Variants in TYK2 observed in about 807,000 individuals in gnomAD.
TYK2 encodes the protein non-receptor tyrosine-protein kinase TYK2.
A neutral mutation model predicts 130.9 loss-of-function variants in TYK2; 65 were observed. That is an observed-to-expected ratio of 0.50 (90% CI 0.41 to 0.61). TYK2 has a LOEUF of 0.61. TYK2 is among the 20% of genes least tolerant of loss of function. The pLI, the probability that TYK2 is intolerant of heterozygous loss-of-function variation, is 0.00. For synonymous variants in TYK2, 647 were observed against 658.9 expected, an observed-to-expected ratio of 0.98 and a Z score of 0.28; for missense variants, 1,378 against 1,610.7, an observed-to-expected ratio of 0.86 and a Z score of 2.47.
chr19:10,356,423 C>A (rs1319407453), intron 18 of TYK2, 145 bp downstream of exon 18: 6 of 957,964 alleles, frequency 6.3e-6, no homozygotes, highest in Middle Eastern at 3.2e-4. Context: ...GGCAGCCAGG[C>A]AGGGCATGCT....
At position 10,365,873 on chromosome 19, in the gene TYK2, A is replaced by G. The variant is rs1450696759; in HGVS notation, c.655T>C (p.Phe219Leu). The G allele has an allele frequency of 7.4e-6, 12 of 1,611,550 alleles. No homozygotes were observed. Among genetic ancestry groups the G allele is most frequent in the Non-Finnish European group, 1.0e-5 (12 of 1,179,380 alleles). ...TSFKDCIPRSFRRHIRQHSAL... is the reference protein window; with the variant it reads ...TSFKDCIPRSLRRHIRQHSAL... Reference sequence around the variant, plus strand: ...CTGTGCTGCCGGATATGCCGGCGGAAGGAGCGCGGGATGCAGTCCTTGAAG... The same window carrying G: ...CTGTGCTGCCGGATATGCCGGCGGAGGGAGCGCGGGATGCAGTCCTTGAAG... Residue 219 changes from phenylalanine to leucine, a missense_variant, in exon 7 of 25, where the codon TTC becomes CTC. Coordinates refer to ENST00000525621, the MANE Select transcript of TYK2 (RefSeq NM_003331.5).
At chr19:10,366,158 T>A (rs1360213273) in intron 6 of TYK2, among the ~76,000 whole-genome samples, 11 of 152,022 alleles carry the variant, frequency 7.2e-5, no homozygotes, top group African/African-American at 2.7e-4. Flanking sequence ...AATACAAAAA[T>A]TAGCTGGGCT....
chr19:10,363,174 C>T (rs1364239274), intron 9 of TYK2, among the ~76,000 whole-genome samples: 2 of 150,362 alleles, frequency 1.3e-5, no homozygotes, highest in African/African-American at 2.4e-5. Flanking sequence ...CTGTGCCCGG[C>T]TACCTGATCT....
Position 10,364,839 on chromosome 19 carries a change from C to A in TYK2, c.1209+12G>T. On this transcript the variant is annotated intron_variant, in intron 8 of 24. Coordinates refer to ENST00000525621, the MANE Select transcript of TYK2 (RefSeq NM_003331.5). The surrounding 1 kb of genome is among the most constrained non-coding windows in gnomAD (Gnocchi z 4.9). Reference sequence around the variant, plus strand: ...TGATGGGCCCTAGCCCAGCCCCTACCCTGGGCCTCACCAGGCACTTGTTGT... The same window carrying A: ...TGATGGGCCCTAGCCCAGCCCCTACACTGGGCCTCACCAGGCACTTGTTGT... The A allele has an allele frequency of 6.2e-7, 1 of 1,614,034 alleles. No individual in the cohort carries two copies. The highest frequency in any genetic ancestry group is 1.1e-5 in the South Asian group (1 of 91,082).
chr19:10,350,674 AAAT>A lies in TYK2; in HGVS notation c.*157_*159del. On this transcript the variant is annotated 3_prime_UTR_variant, in exon 25 of 25. Transcript: ENST00000525621. ...GGTTAGGCTCACGGCCAAGAAAGAAAAATAAGTTCACAGAGGTGGGGTCTCTAG... is the reference window on the plus strand; with the variant it reads ...GGTTAGGCTCACGGCCAAGAAAGAAAAAGTTCACAGAGGTGGGGTCTCTAG... The A allele has an allele frequency of 1.2e-6, 1 of 833,458 alleles. No homozygotes were observed. The highest frequency in any genetic ancestry group is 1.8e-6 in the Non-Finnish European group (1 of 542,922). The allele number at this position is 833,458 out of a possible 1,614,324, so 51.6% of individuals were successfully genotyped here.
chr19:10,351,170 A>G lies in TYK2; in HGVS notation c.3319-8T>C, dbSNP rs1313846985. 3.1e-6 allele frequency: 5 copies of G among 1,610,780 alleles called. No individual in the cohort carries two copies. Among genetic ancestry groups the G allele is most frequent in the African/African-American group, 1.3e-5 (1 of 74,856 alleles). ...TATGAGCTCAAGGAATTTCTACAGTATAAACAAGACAAGCTCTTTTCAAGA... is the reference window on the plus strand; with the variant it reads ...TATGAGCTCAAGGAATTTCTACAGTGTAAACAAGACAAGCTCTTTTCAAGA... On this transcript the variant is annotated splice_region_variant and splice_polypyrimidine_tract_variant and intron_variant, in intron 23 of 24. Coordinates refer to ENST00000525621, the MANE Select transcript of TYK2 (RefSeq NM_003331.5).
Position 10,357,580 on chromosome 19 carries a change from T to C in TYK2, c.2466+184A>G, listed in dbSNP as rs2041162328. 3 of 827,610 alleles carry C rather than the reference T, an allele frequency of 3.6e-6. No individual in the cohort carries two copies. In the East Asian group the frequency reaches 7.9e-5, roughly 22 times the overall value. 51.3% of individuals were successfully genotyped at this position (827,610 alleles called of 1,614,324 possible). A position where few individuals can be genotyped will look rare whatever the true frequency, so the allele number is the denominator to read the frequency against. ...TTCTGTGTGCCAGGCACAAGTGACT[T>C]CCACAAGGACCTAAAAAGGCTGGGA... On this transcript the variant is annotated intron_variant, in intron 17 of 24. Transcript: ENST00000525621.
In TYK2 at chr19:10,362,490, C is replaced by T. The variant is rs190334031; in HGVS notation, c.1477-34G>A. The stretch of plus-strand genomic sequence containing the variant: ...AGGTGGCAGAGGTGGGAGCAGTAAG[C>T]AGGGGACCAGGCAGGGAACGTGTCC... On this transcript the variant is annotated intron_variant, in intron 10 of 24. Transcript: ENST00000525621. 4.1e-5 allele frequency: 65 copies of T among 1,569,282 alleles called. No individual in the cohort carries two copies. In the East Asian group the frequency reaches 8.5e-4, roughly 20 times the overall value.
chr19:10,354,697 C>A (rs549828265), intron 18 of TYK2, 88 bp from the exon 19 acceptor site: 1 of 1,077,034 alleles, frequency 9.3e-7, no homozygotes, highest in Admixed American at 1.8e-5. Context: ...GCCACAGCTA[C>A]CCCAGGATCC....
intron 3 of TYK2, chr19:10,369,803 G>C (rs766738120): frequency 9.2e-5 from 41 of 447,518 alleles, no homozygotes; most frequent in Non-Finnish European, 1.7e-4. Context: ...CAGCACTTTG[G>C]GAGGCTGAGG....
chr19:10,361,271 G>T lies in TYK2; in HGVS notation c.2047+240C>A. The T allele has an allele frequency of 1.6e-6, 1 of 617,612 alleles. No homozygotes were observed. The highest frequency in any genetic ancestry group is 1.8e-5 in the South Asian group (1 of 55,512). The allele number at this position is 617,612 out of a possible 1,614,324, so 38.3% of individuals were successfully genotyped here. ...GGATGTAGTTGGGAATCAGGGTGGG[G>T]GTTGAGACTGAGGGCAGGTGAGGGT... is the stretch of plus-strand genomic sequence containing the variant. On this transcript the variant is annotated intron_variant, in intron 14 of 24. Transcript: ENST00000525621. This position sits in a 1 kb window ranked among gnomAD's most constrained non-coding sequence, Gnocchi z 4.0.
intron 3 of TYK2, chr19:10,369,801 T>C: frequency 2.2e-6 from 1 of 448,552 alleles, no homozygotes; most frequent in Non-Finnish European, 4.5e-6. Context: ...CCCAGCACTT[T>C]GGGAGGCTGA....
Position 10,361,653 on chromosome 19 carries a change from T to A in TYK2, c.1960-55A>T. The A allele has an allele frequency of 3.9e-6, 6 of 1,546,294 alleles. No individual in the cohort carries two copies. The highest frequency in any genetic ancestry group is 5.3e-6 in the Non-Finnish European group (6 of 1,142,382). ...CAAAGCCGACCCCTCCCATCCCACC[T>A]CCTCCACGGACACACCCCTCCCATC... On this transcript the variant is annotated intron_variant, in intron 13 of 24. Coordinates refer to ENST00000525621, the MANE Select transcript of TYK2 (RefSeq NM_003331.5). This position sits in a 1 kb window ranked among gnomAD's most constrained non-coding sequence, Gnocchi z 4.0.
intron 3 of TYK2, among the ~76,000 whole-genome samples, chr19:10,377,950 ATGGGTGAATGGG>A (rs1223991134): frequency 6.6e-5 from 5 of 75,476 alleles, no homozygotes; most frequent in Middle Eastern, 9.6e-3. Context: ...GGGTGGGTGG[ATGGGTGAATGGG>A]TGGGTGAATG....
chr19:10,366,557 G>A lies in TYK2; in HGVS notation c.489C>T (p.Asp163=), dbSNP rs748475805. Residue 163 remains aspartate (D), a synonymous_variant, in exon 6 of 25, where the codon GAC becomes GAT. Transcript: ENST00000525621. ...TCGACAGCTCCCACAGTGATGCCAC[G>A]TCATTCACAAACTCATGCTTGCCCT... is the stretch of plus-strand genomic sequence containing the variant. ...FEQGKHEFVN[D]VASLWELSTE... The A allele has an allele frequency of 2.9e-5, 46 of 1,613,830 alleles. No homozygotes were observed. Among genetic ancestry groups the A allele is most frequent in the Middle Eastern group, 1.6e-4 (1 of 6,084 alleles).
At chr19:10,377,243 A>G (rs1408133068) in intron 3 of TYK2, among the ~76,000 whole-genome samples, 1 of 152,004 alleles carries the variant, frequency 6.6e-6, no homozygotes, top group African/African-American at 2.4e-5. Flanking sequence ...TGTCCTCCCT[A>G]CTAAAATTTC....
At chr19:10,352,572 A>G (rs751760415) in intron 22 of TYK2, 21 bp from the exon 23 acceptor site, 5 of 1,148,586 alleles carry the variant, frequency 4.4e-6, no homozygotes, top group South Asian at 1.4e-5. Context: ...GGGGGCACTC[A>G]GGCCACGGGG....
chr19:10,353,967 GC>G lies in TYK2; in HGVS notation c.2908+74del. ...GTCTCTAATTGGCTAGGCCAGACTG[GC>G]CCCGCCCACAAGGCCACACCCACGC... On this transcript the variant is annotated intron_variant, in intron 20 of 24. Coordinates refer to ENST00000525621, the MANE Select transcript of TYK2 (RefSeq NM_003331.5). This position sits in a 1 kb window ranked among gnomAD's most constrained non-coding sequence, Gnocchi z 6.9. 1 of 1,492,026 alleles carries G rather than the reference GC, an allele frequency of 6.7e-7. No homozygotes were observed. Among genetic ancestry groups the G allele is most frequent in the Non-Finnish European group, 9.3e-7 (1 of 1,076,768 alleles). 92.4% of individuals were successfully genotyped at this position (1,492,026 alleles called of 1,614,324 possible). A position where few individuals can be genotyped will look rare whatever the true frequency, so the allele number is the denominator to read the frequency against.
rs569826524 is a variant in TYK2 at position 10,372,458 on chromosome 19, C to CTATATA, written c.194-4046_194-4041dup. Among the ~76,000 whole-genome samples, 150 of 45,966 alleles carry CTATATA rather than the reference C, an allele frequency of 3.3e-3. 4 individuals carry two copies. Among genetic ancestry groups the CTATATA allele is most frequent in the African/African-American group, 0.015 (93 of 6,272 alleles). The allele number at this position is 45,966 out of a possible 152,430, so 30.2% of individuals were successfully genotyped here. On this transcript the variant is annotated intron_variant, in intron 3 of 24. Transcript: ENST00000525621. ...TACAGGAACACGCCACCACACACAG[C>CTATATA]TATATATATATATATATATATATAT... is the stretch of plus-strand genomic sequence containing the variant.
Sources: gnomAD v4.1 joint callset for allele counts (sites outside exome capture counted in the v4.1 genomes callset) on GRCh38, gnomAD v4.1.1 for gene constraint, Gnocchi (gnomAD v3.1) non-coding constraint, MANE v1.5 for transcripts, NCBI Gene and HGNC (gene_info 2026-07-23, HGNC 2026-07-21) for gene names.